ASCC1: variants seen among roughly 807,000 people sequenced by gnomAD.
The protein encoded by ASCC1 is ASC-1 complex subunit P50.
ASCC1 carries 35 observed loss-of-function variants against 46.6 expected under a neutral mutation model. That is an observed-to-expected ratio of 0.75 (90% CI 0.57 to 0.99). The LOEUF (loss-of-function observed/expected upper bound fraction) is 0.99. Ranked by LOEUF, ASCC1 falls within the 50% of genes least tolerant of loss-of-function variation. The probability of loss-of-function intolerance (pLI) is 0.00; values close to 1 mark genes in which losing one functional copy is unlikely to be tolerated. For missense variants in ASCC1, 376 were observed against 428.7 expected (o/e 0.88, Z 1.09); for synonymous variants, 143 against 146.6 (o/e 0.98, Z 0.18).
At chr10:72,195,701 G>C (rs1437051742) in intron 5 of ASCC1, among the ~76,000 whole-genome samples, 2 of 151,860 alleles carry the variant, frequency 1.3e-5, no homozygotes, top group African/African-American at 4.8e-5. Context: ...GGGTATGGTG[G>C]CGCATGCCTG....
Position 72,101,618 on chromosome 10 carries a change from G to A in ASCC1, c.958-4168C>T, listed in dbSNP as rs550099761. On this transcript the variant is annotated intron_variant, in intron 9 of 9. Transcript: ENST00000672957. The stretch of plus-strand genomic sequence containing the variant: ...AGAATCAGATTAAGGGTGTCTGGGG[G>A]ACCTGAGGCTCAAGTTCACAAGTTA... Among the ~76,000 whole-genome samples the A allele has an allele frequency of 2.6e-5, 4 of 152,256 alleles. No homozygotes were observed. In the East Asian group the frequency reaches 7.7e-4, roughly 29 times the overall value.
Position 72,137,267 on chromosome 10 carries a change from G to A in ASCC1, c.747-4086C>T, listed in dbSNP as rs369047724. On this transcript the variant is annotated intron_variant, in intron 7 of 9. Coordinates refer to ENST00000672957, the MANE Select transcript of ASCC1 (RefSeq NM_001198800.3). ...AAACAGGCCAAGTGCAGTGGCTCAC[G>A]CCTGTAATCCCAGCACTTTGGGAGG... is the stretch of plus-strand genomic sequence containing the variant. Among the ~76,000 whole-genome samples the A allele has an allele frequency of 3.6e-4, 55 of 151,630 alleles. 1 individual carries two copies. In the East Asian group the frequency reaches 4.7e-3, roughly 13 times the overall value.
intron 4 of ASCC1, 124 bp downstream of exon 4, chr10:72,203,303 A>T: frequency 1.3e-6 from 1 of 787,130 alleles, no homozygotes; most frequent in Non-Finnish European, 2.1e-6. Flanking sequence ...AAAAAAAAAG[A>T]AAAGAAAAAG....
intron 3 of ASCC1, among the ~76,000 whole-genome samples, chr10:72,210,123 T>C (rs1364349541): frequency 6.6e-6 from 1 of 151,990 alleles, no homozygotes; most frequent in East Asian, 1.9e-4. Flanking sequence ...ATGCTTGTAC[T>C]GTCTGTAGAG....
chr10:72,192,402 C>A (rs1238412378), intron 5 of ASCC1, among the ~76,000 whole-genome samples: 1 of 149,938 alleles, frequency 6.7e-6, no homozygotes, highest in African/African-American at 2.5e-5. Flanking sequence ...TTGCAGTGAG[C>A]CAAGATCGAG....
At chr10:72,172,384 C>A (rs1308080607) in intron 5 of ASCC1, among the ~76,000 whole-genome samples, 1 of 131,226 alleles carries the variant, frequency 7.6e-6, no homozygotes, top group African/African-American at 2.9e-5. Flanking sequence ...CACTGCACTG[C>A]TGTCTGGGCA....
intron 6 of ASCC1, 29 bp from the exon 7 acceptor site, chr10:72,153,017 A>G: frequency 6.2e-7 from 1 of 1,613,700 alleles, no homozygotes; most frequent in East Asian, 2.2e-5. Flanking sequence ...TAAGATATCT[A>G]TAACTGTTTA....
intron 7 of ASCC1, among the ~76,000 whole-genome samples, chr10:72,147,507 C>T (rs1012924576): frequency 6.6e-6 from 1 of 152,138 alleles, no homozygotes; most frequent in Non-Finnish European, 1.5e-5. Flanking sequence ...CCCACTTTGG[C>T]ATCCCAAAGT....
chr10:72,157,585 CTTTATTAAGA>C, intron 6 of ASCC1, among the ~76,000 whole-genome samples: 1 of 152,160 alleles, frequency 6.6e-6, no homozygotes, highest in Non-Finnish European at 1.5e-5. Context: ...ATTCAGCATT[CTTTATTAAGA>C]TTTACATGAC....
At position 72,198,912 on chromosome 10, in the gene ASCC1, G is replaced by C. The variant is rs1856053288; in HGVS notation, c.311-1923C>G. The stretch of plus-strand genomic sequence containing the variant: ...GCTCACTGCAACCTCCGCCTCCCAG[G>C]TTCAAGCGATTCTCCTGCCTCAGCC... On this transcript the variant is annotated intron_variant, in intron 4 of 9. Coordinates refer to ENST00000672957, the MANE Select transcript of ASCC1 (RefSeq NM_001198800.3). 1.3e-5 allele frequency among the ~76,000 whole-genome samples: 2 copies of C among 151,880 alleles called. 1 individual carries two copies. The highest frequency in any genetic ancestry group is 4.2e-4 in the South Asian group (2 of 4,808).
chr10:72,156,233 C>T (rs1848939267), intron 6 of ASCC1, among the ~76,000 whole-genome samples: 1 of 152,178 alleles, frequency 6.6e-6, no homozygotes, highest in African/African-American at 2.4e-5. Context: ...TTGCTTGTTC[C>T]TGCTTCTGCT....
At chr10:72,148,362 C>T (rs899360868) in intron 7 of ASCC1, among the ~76,000 whole-genome samples, 1 of 152,118 alleles carries the variant, frequency 6.6e-6, no homozygotes, top group East Asian at 1.9e-4. Context: ...TCTGGAAAAA[C>T]GCACTTGTGA....
At position 72,152,859 on chromosome 10, in the gene ASCC1, A is replaced by G; in HGVS notation, c.746+10T>C. On this transcript the variant is annotated intron_variant, in intron 7 of 9. Transcript: ENST00000672957. ...CTTGATTGAAACAAAGAAGCATTCCAGAAATATACCTGTTGGAGCCATCTT... is the reference window on the plus strand; with the variant it reads ...CTTGATTGAAACAAAGAAGCATTCCGGAAATATACCTGTTGGAGCCATCTT... 1 of 1,614,152 alleles carries G rather than the reference A, an allele frequency of 6.2e-7. No homozygotes were observed. Among genetic ancestry groups the G allele is most frequent in the Non-Finnish European group, 8.5e-7 (1 of 1,179,998 alleles).
intron 9 of ASCC1, among the ~76,000 whole-genome samples, chr10:72,106,366 C>A (rs568366428): frequency 6.6e-6 from 1 of 152,174 alleles, no homozygotes; most frequent in East Asian, 1.9e-4. Context: ...GGTCATATTT[C>A]TCTCTAAGAA....
At chr10:72,122,736 C>T (rs1451515549) in intron 9 of ASCC1, among the ~76,000 whole-genome samples, 1 of 152,070 alleles carries the variant, frequency 6.6e-6, no homozygotes, top group African/African-American at 2.4e-5. Context: ...TATGATTGTG[C>T]CACTGCACTC....
intron 5 of ASCC1, chr10:72,190,583 T>A: frequency 7.8e-7 from 1 of 1,279,054 alleles, no homozygotes; most frequent in Non-Finnish European, 1.1e-6. Context: ...CTAATATAAG[T>A]AAAGTTTGTA....
rs1223587188 is a variant in ASCC1 at position 72,096,720 on chromosome 10, T to C, written c.*614A>G. On this transcript the variant is annotated 3_prime_UTR_variant, in exon 10 of 10. Transcript: ENST00000672957. ...ACGCACATGTAACGGAACATTCCAT[T>C]ATATGTATAATACAGGAAGGAAATC... 2.2e-6 allele frequency: 1 copy of C among 454,080 alleles called. No homozygotes were observed. 28.1% of individuals were successfully genotyped at this position (454,080 alleles called of 1,614,324 possible).
intron 7 of ASCC1, 136 bp downstream of exon 7, chr10:72,152,732 TA>T (rs200992686): frequency 9.6e-4 from 1,020 of 1,065,438 alleles, no homozygotes; most frequent in Non-Finnish European, 1.1e-3. Flanking sequence ...AACTTACTAT[TA>T]AAAAAAAAGA....
intron 2 of ASCC1, among the ~76,000 whole-genome samples, chr10:72,211,202 A>G (rs1021278758): frequency 6.6e-6 from 1 of 152,222 alleles, no homozygotes; most frequent in African/African-American, 2.4e-5. Context: ...GAGAGACCAC[A>G]TTCACATCAC....
Sources: gnomAD v4.1 joint callset for allele counts (sites outside exome capture counted in the v4.1 genomes callset) on GRCh38, gnomAD v4.1.1 for gene constraint, MANE v1.5 for transcripts, NCBI Gene and HGNC (gene_info 2026-07-23, HGNC 2026-07-21) for gene names.